CELF4: variants seen among roughly 807,000 people sequenced by gnomAD.
The protein encoded by CELF4 is CUGBP Elav-like family member 4, also known as CUG-BP- and ETR-3-like factor 4.
Under a neutral mutation model 59.9 loss-of-function variants are expected in CELF4, and 18 were observed. The ratio of observed to expected loss-of-function variants is 0.30; its 90% confidence interval spans 0.21 to 0.45. CELF4 has a LOEUF of 0.45. Ranked by LOEUF, CELF4 falls within the 20% of genes least tolerant of loss-of-function variation. The probability of loss-of-function intolerance (pLI) is 1.00; values close to 1 mark genes in which losing one functional copy is unlikely to be tolerated. For synonymous variants in CELF4, 261 were observed against 267.1 expected (o/e 0.98, Z 0.22); for missense variants, 456 against 689.0 (o/e 0.66, Z 3.79).
At chr18:37,297,292 C>T (rs2095710124) in intron 3 of CELF4, among the ~76,000 whole-genome samples, 1 of 152,202 alleles carries the variant, frequency 6.6e-6, no homozygotes, top group South Asian at 2.1e-4. Flanking sequence ...TTGAATCCCA[C>T]CATTAGAGCC....
intron 2 of CELF4, among the ~76,000 whole-genome samples, chr18:37,387,520 G>A (rs548070610): frequency 8.7e-4 from 133 of 152,280 alleles, no homozygotes; most frequent in African/African-American, 2.7e-3. Context: ...AGCTGAGTCC[G>A]GCTTGCCAGT....
At chr18:37,494,470 T>G (rs993038451) in intron 1 of CELF4, among the ~76,000 whole-genome samples, 9 of 152,222 alleles carry the variant, frequency 5.9e-5, no homozygotes, top group Non-Finnish European at 1.2e-4. Context: ...AGGGGCTTGC[T>G]TCTGTACCTC....
intron 3 of CELF4, among the ~76,000 whole-genome samples, chr18:37,299,366 G>C (rs1204298752): frequency 6.6e-6 from 1 of 152,184 alleles, no homozygotes; most frequent in African/African-American, 2.4e-5. Flanking sequence ...GTGAGGGGAG[G>C]AAAAAGGGAT....
chr18:37,286,926 G>A (rs1289924134), intron 3 of CELF4, among the ~76,000 whole-genome samples: 2 of 152,166 alleles, frequency 1.3e-5, no homozygotes, highest in African/African-American at 4.8e-5. Context: ...AGACCCAGGA[G>A]GGAGCCCAGA....
Position 37,255,585 on chromosome 18 carries a change from G to A in CELF4, c.1334-1647C>T, listed in dbSNP as rs1466579907. Reference sequence around the variant, plus strand: ...AGCTCCCCTCAGCCCCTCCTGGCCCGTCCCCACCTCCGCTGACCTGTATGT... The same window carrying A: ...AGCTCCCCTCAGCCCCTCCTGGCCCATCCCCACCTCCGCTGACCTGTATGT... On this transcript the variant is annotated intron_variant, in intron 11 of 12. Transcript: ENST00000420428. 3.3e-5 allele frequency among the ~76,000 whole-genome samples: 5 copies of A among 150,932 alleles called. No homozygotes were observed. The South Asian group carries it at 8.4e-4, about 25-fold the overall frequency.
At chr18:37,341,071 A>T (rs760434912) in intron 2 of CELF4, among the ~76,000 whole-genome samples, 19 of 152,332 alleles carry the variant, frequency 1.2e-4, no homozygotes, top group Non-Finnish European at 2.2e-4. Flanking sequence ...AAGGGCACCA[A>T]CCACTCAGAC....
At chr18:37,407,984 G>C (rs2099401610) in intron 2 of CELF4, among the ~76,000 whole-genome samples, 1 of 152,162 alleles carries the variant, frequency 6.6e-6, no homozygotes, top group Non-Finnish European at 1.5e-5. Context: ...ATTTTTAAAA[G>C]GACTGGTTAA....
At chr18:37,325,449 C>G (rs1005240472) in intron 2 of CELF4, among the ~76,000 whole-genome samples, 2 of 152,226 alleles carry the variant, frequency 1.3e-5, no homozygotes, top group Non-Finnish European at 2.9e-5. Context: ...AATGAAATCT[C>G]CCTGTGTCTG....
At chr18:37,299,486 T>C (rs1181576717) in intron 3 of CELF4, among the ~76,000 whole-genome samples, 2 of 151,896 alleles carry the variant, frequency 1.3e-5, no homozygotes, top group Admixed American at 6.5e-5. Context: ...TTGGGCCACG[T>C]GGAACCCTCC....
intron 1 of CELF4, among the ~76,000 whole-genome samples, chr18:37,504,456 A>G (rs991292175): frequency 8.2e-6 from 1 of 122,526 alleles, no homozygotes; most frequent in African/African-American, 2.9e-5. Context: ...TCCATCTCAA[A>G]AAAAAAAAAA....
intron 1 of CELF4, among the ~76,000 whole-genome samples, chr18:37,509,871 A>G (rs73433280): frequency 6.6e-4 from 100 of 152,350 alleles, no homozygotes; most frequent in African/African-American, 2.3e-3. Flanking sequence ...GTGTGGATGA[A>G]CCTTGAAAAT....
chr18:37,271,855 T>C (rs1008854940), intron 7 of CELF4, among the ~76,000 whole-genome samples: 1 of 152,188 alleles, frequency 6.6e-6, no homozygotes, highest in Non-Finnish European at 1.5e-5. Flanking sequence ...GTCCTCCCTA[T>C]GCCAAGTGGG....
At chr18:37,276,760 G>A (rs1366887816) in intron 3 of CELF4, among the ~76,000 whole-genome samples, 1 of 152,186 alleles carries the variant, frequency 6.6e-6, no homozygotes, top group Admixed American at 6.5e-5. Context: ...TCAGTTTCGG[G>A]CTAAATTGGT....
chr18:37,505,774 C>T (rs1285744455), intron 1 of CELF4, among the ~76,000 whole-genome samples: 1 of 152,176 alleles, frequency 6.6e-6, no homozygotes, highest in Admixed American at 6.5e-5. Context: ...ACAGGGGGAT[C>T]GATAGTGTGA....
At chr18:37,520,338 C>T (rs922626341) in intron 1 of CELF4, among the ~76,000 whole-genome samples, 8 of 152,124 alleles carry the variant, frequency 5.3e-5, no homozygotes, top group Admixed American at 1.3e-4. Flanking sequence ...AGAGAGCGGT[C>T]CCAGGAAGGC....
chr18:37,422,101 A>C (rs2099581782), intron 2 of CELF4, among the ~76,000 whole-genome samples: 1 of 152,178 alleles, frequency 6.6e-6, no homozygotes, highest in African/African-American at 2.4e-5. Flanking sequence ...CACTGGCTAG[A>C]CAAGTGAGGA....
chr18:37,518,037 A>T (rs1375558941), intron 1 of CELF4, among the ~76,000 whole-genome samples: 1 of 152,142 alleles, frequency 6.6e-6, no homozygotes, highest in Admixed American at 6.5e-5. Flanking sequence ...AAGCACAACC[A>T]CCAGAGCTGG....
chr18:37,390,061 T>C (rs1167651384), intron 2 of CELF4, among the ~76,000 whole-genome samples: 2 of 152,220 alleles, frequency 1.3e-5, no homozygotes, highest in Non-Finnish European at 2.9e-5. Context: ...ACAGCAGCTC[T>C]CTGCCAGCCA....
At chr18:37,536,443 C>A (rs2099973553) in intron 1 of CELF4, among the ~76,000 whole-genome samples, 2 of 152,238 alleles carry the variant, frequency 1.3e-5, no homozygotes, top group African/African-American at 4.8e-5. Flanking sequence ...TAAAAGGGAA[C>A]TTCCTGAGCA....
Sources: allele counts gnomAD v4.1 joint callset (sites outside exome capture counted in the v4.1 genomes callset), GRCh38; gene constraint gnomAD v4.1.1; transcripts MANE v1.5; gene names NCBI Gene and HGNC (gene_info 2026-07-23, HGNC 2026-07-21).